Variants in PRKCQ observed in about 807,000 individuals in gnomAD.
PRKCQ encodes the protein protein kinase C theta, also known as protein kinase C theta type.
Under a neutral mutation model 91.2 loss-of-function variants are expected in PRKCQ, and 41 were observed. That is an observed-to-expected ratio of 0.45 (90% CI 0.35 to 0.58). The LOEUF (loss-of-function observed/expected upper bound fraction) is 0.58, where lower values mean the gene tolerates loss of function less well. Ranked by LOEUF, PRKCQ falls within the 20% of genes least tolerant of loss-of-function variation. The pLI is 0.00. For missense variants in PRKCQ, 673 were observed against 896.5 expected (o/e 0.75, Z 3.18); for synonymous variants, 307 against 316.9 (o/e 0.97, Z 0.33).
At chr10:6,453,175 C>T (rs1229199173) in intron 15 of PRKCQ, among the ~76,000 whole-genome samples, 1 of 151,172 alleles carries the variant, frequency 6.6e-6, no homozygotes, top group East Asian at 1.9e-4. Flanking sequence ...ACCTACTCAT[C>T]TGACAAAGGG....
At chr10:6,480,703 T>C (rs1042371711) in intron 11 of PRKCQ, among the ~76,000 whole-genome samples, 3 of 152,232 alleles carry the variant, frequency 2.0e-5, no homozygotes, top group South Asian at 2.1e-4. Context: ...TGAATCACAG[T>C]TGCTAAAATT....
intron 3 of PRKCQ, 38 bp downstream of exon 3, chr10:6,510,957 G>A (rs778096130): frequency 1.9e-6 from 3 of 1,610,832 alleles, no homozygotes; most frequent in Non-Finnish European, 2.5e-6. Context: ...CTACCATCAT[G>A]CTTATCCCTT....
chr10:6,439,283 G>A (rs1833852370), intron 16 of PRKCQ, among the ~76,000 whole-genome samples: 1 of 152,126 alleles, frequency 6.6e-6, no homozygotes, highest in Non-Finnish European at 1.5e-5. Flanking sequence ...CCGTTTTGAT[G>A]GTGAATTCTG....
At chr10:6,494,183 C>A (rs1046283923) in intron 7 of PRKCQ, among the ~76,000 whole-genome samples, 2 of 152,216 alleles carry the variant, frequency 1.3e-5, no homozygotes, top group Non-Finnish European at 2.9e-5. Flanking sequence ...AAGCTCCACA[C>A]CCATCCCCAT....
At chr10:6,577,258 A>C (rs1383762862) in intron 1 of PRKCQ, among the ~76,000 whole-genome samples, 6 of 152,216 alleles carry the variant, frequency 3.9e-5, no homozygotes, top group Non-Finnish European at 8.8e-5. Context: ...AGCAATCAGA[A>C]TTTGACATGT....
intron 1 of PRKCQ, among the ~76,000 whole-genome samples, chr10:6,569,547 C>T (rs1840958885): frequency 6.6e-6 from 1 of 152,086 alleles, no homozygotes; most frequent in Admixed American, 6.6e-5. Context: ...ACACTGGGTT[C>T]CAGAAGGCAG....
chr10:6,418,994 T>TG, the PRKCQ span, among the ~76,000 whole-genome samples: 8 of 147,154 alleles, frequency 5.4e-5, no homozygotes, highest in Non-Finnish European at 7.6e-5. Context: ...TATCTATCTA[T>TG]CTATCTATCT....
At chr10:6,407,470 AGTGTGTGTGT>A in the PRKCQ span, among the ~76,000 whole-genome samples, 30 of 148,858 alleles carry the variant, frequency 2.0e-4, no homozygotes, top group Non-Finnish European at 3.6e-4. This position sits in a 1 kb window ranked among gnomAD's most constrained non-coding sequence, Gnocchi z 4.0. Flanking sequence ...GTACATGTTC[AGTGTGTGTGT>A]GTGTGTGTGT....
chr10:6,431,572 G>A (rs541526916), intron 16 of PRKCQ, among the ~76,000 whole-genome samples: 4 of 152,094 alleles, frequency 2.6e-5, no homozygotes. Context: ...ACACACGCAC[G>A]CATTTGTGCA....
At chr10:6,517,622 T>TTTTTC (rs1838824366) in intron 1 of PRKCQ, among the ~76,000 whole-genome samples, 1 of 94,700 alleles carries the variant, frequency 1.1e-5, no homozygotes, top group African/African-American at 3.2e-5. Context: ...TTTTTTTTTT[T>TTTTTC]ACAACCTTTC....
chr10:6,518,740 T>G (rs506989), intron 1 of PRKCQ, among the ~76,000 whole-genome samples: 113,441 of 151,994 alleles, frequency 0.75, 43,133 homozygotes, highest in Admixed American at 0.85. Flanking sequence ...GGAATCGCTT[T>G]GCTCCCTGCA....
chr10:6,546,943 C>T lies in PRKCQ; in HGVS notation c.-9-31799G>A, dbSNP rs371394223. Among the ~76,000 whole-genome samples, 10 of 151,948 alleles carry T rather than the reference C, an allele frequency of 6.6e-5. No individual in the cohort carries two copies. The South Asian group carries it at 1.0e-3, about 16-fold the overall frequency. On this transcript the variant is annotated intron_variant, in intron 1 of 17. Coordinates refer to ENST00000263125, the MANE Select transcript of PRKCQ (RefSeq NM_006257.5). ...TTTATTGAGAGTTTTTAGCATGAAG[C>T]GTTGTTGAATTTTGTCAAAGGCCTT...
chr10:6,416,429 G>A, the PRKCQ span, among the ~76,000 whole-genome samples: 5 of 152,040 alleles, frequency 3.3e-5, no homozygotes, highest in African/African-American at 1.2e-4. Context: ...CATCCTCATA[G>A]CTTAGCTCCT....
intron 11 of PRKCQ, among the ~76,000 whole-genome samples, chr10:6,481,172 C>T (rs139609326): frequency 6.6e-6 from 1 of 152,178 alleles, no homozygotes; most frequent in African/African-American, 2.4e-5. Flanking sequence ...TGGGGGAAAC[C>T]TGGGGCTCCC....
intron 12 of PRKCQ, among the ~76,000 whole-genome samples, chr10:6,466,111 C>T (rs1488598627): frequency 1.3e-5 from 2 of 152,232 alleles, no homozygotes; most frequent in East Asian, 1.9e-4. Context: ...GAGAGCAAAG[C>T]GTATGAAAGT....
intron 12 of PRKCQ, among the ~76,000 whole-genome samples, chr10:6,475,739 C>A (rs896987311): frequency 2.6e-5 from 4 of 152,196 alleles, no homozygotes; most frequent in African/African-American, 9.7e-5. Context: ...ACGTATCAAT[C>A]GTTGCCTTTT....
chr10:6,395,056 CT>C, the PRKCQ span, among the ~76,000 whole-genome samples: 200 of 66,980 alleles, frequency 3.0e-3, 2 homozygotes, highest in Non-Finnish European at 3.9e-3. Context: ...AAGCTGGAGT[CT>C]TTTTTTTTTT....
Position 6,498,532 on chromosome 10 carries a change from T to C in PRKCQ, c.406A>G (p.Thr136Ala), listed in dbSNP as rs771967897. 76 of 1,613,938 alleles carry C rather than the reference T, an allele frequency of 4.7e-5. No homozygotes were observed. The highest frequency in any genetic ancestry group is 5.8e-5 in the Non-Finnish European group (68 of 1,179,996). The stretch of plus-strand genomic sequence containing the variant: ...TGATGCAAAGCAAAGAAGCCTTCCG[T>C]CTCAAATTCATTCATGTCCTTTGTG... ...SDTKDMNEFE[T>A]EGFFALHQRR... The change falls in exon 5 of 18, where the codon ACG becomes GCG. Residue 136 changes from threonine to alanine, a missense_variant. Transcript: ENST00000263125.
In PRKCQ at chr10:6,510,977, C is replaced by T. The variant is rs371014336; in HGVS notation, c.318+18G>A. 4.8e-5 allele frequency: 77 copies of T among 1,613,088 alleles called. No individual in the cohort carries two copies. In the East Asian group the frequency reaches 1.1e-3, roughly 24 times the overall value. On this transcript the variant is annotated intron_variant, in intron 3 of 17. Coordinates refer to ENST00000263125, the MANE Select transcript of PRKCQ (RefSeq NM_006257.5). ...ATCATGCTTATCCCTTATGTGCATA[C>T]ACTTTATGCAACGTTACCCATATTT...
Sources: allele counts gnomAD v4.1 joint callset (sites outside exome capture counted in the v4.1 genomes callset), GRCh38; gene constraint gnomAD v4.1.1; non-coding constraint Gnocchi (gnomAD v3.1); transcripts MANE v1.5; gene names NCBI Gene and HGNC (gene_info 2026-07-23, HGNC 2026-07-21).